Variants in MARCHF1 observed in about 807,000 individuals in gnomAD.
MARCHF1 encodes the protein E3 ubiquitin-protein ligase MARCHF1.
In MARCHF1, 40 loss-of-function variants were observed where a neutral mutation model predicts 54.2. The observed-to-expected ratio is 0.74, with a 90% CI of 0.57 to 0.96. MARCHF1 has a LOEUF of 0.96. MARCHF1 is among the 40% of genes least tolerant of loss of function. The probability of loss-of-function intolerance (pLI) is 0.00; values close to 1 mark genes in which losing one functional copy is unlikely to be tolerated. For synonymous variants in MARCHF1, 236 were observed against 236.3 expected (o/e 1.00, Z 0.01); for missense variants, 586 against 656.5 (o/e 0.89, Z 1.17).
At chr4:163,669,755 T>C (rs944924074) in intron 5 of MARCHF1, among the ~76,000 whole-genome samples, 2 of 152,026 alleles carry the variant, frequency 1.3e-5, no homozygotes, top group African/African-American at 2.4e-5. Context: ...CCTGCCACCA[T>C]ACCTGGCTAA....
At chr4:164,056,464 C>T (rs1308040469) in intron 2 of MARCHF1, among the ~76,000 whole-genome samples, 1 of 152,156 alleles carries the variant, frequency 6.6e-6, no homozygotes, top group Admixed American at 6.5e-5. Flanking sequence ...TCCTTTACTT[C>T]CTGCGCCAAT....
Position 163,924,941 on chromosome 4 carries a change from T to C in MARCHF1, c.-39+63560A>G, listed in dbSNP as rs143414049. ...CCAATTTATCTTTGATCCAGCCCTA[T>C]GCATACAGGAATAAAATAACATCAG... On this transcript the variant is annotated intron_variant, in intron 3 of 9. Transcript: ENST00000514618. Among the ~76,000 whole-genome samples, 755 of 151,956 alleles carry C rather than the reference T, an allele frequency of 5.0e-3. 10 individuals carry two copies. Among genetic ancestry groups the C allele is most frequent in the Non-Finnish European group, 5.2e-3 (351 of 67,808 alleles).
chr4:163,944,466 C>T (rs1002721585), intron 3 of MARCHF1, among the ~76,000 whole-genome samples: 5 of 152,112 alleles, frequency 3.3e-5, no homozygotes, highest in African/African-American at 4.8e-5. Context: ...AGGATAAAGG[C>T]CCAGCTGCTT....
intron 2 of MARCHF1, among the ~76,000 whole-genome samples, chr4:164,040,037 C>A (rs1161249740): frequency 6.9e-6 from 1 of 144,404 alleles, no homozygotes. Flanking sequence ...TTTATATATA[C>A]AAGCATAATT....
chr4:163,586,942 A>C (rs1337412337), intron 7 of MARCHF1, among the ~76,000 whole-genome samples: 2 of 152,338 alleles, frequency 1.3e-5, no homozygotes, highest in East Asian at 3.9e-4. Context: ...GGTTACAACA[A>C]ATGGTCTAAA....
intron 2 of MARCHF1, among the ~76,000 whole-genome samples, chr4:164,053,716 C>T (rs1290635610): frequency 6.6e-6 from 1 of 152,168 alleles, no homozygotes; most frequent in African/African-American, 2.4e-5. Context: ...TTTCATTCAA[C>T]CTCCTTTTCT....
At chr4:163,812,706 A>G (rs1030085189) in intron 4 of MARCHF1, among the ~76,000 whole-genome samples, 8 of 152,128 alleles carry the variant, frequency 5.3e-5, no homozygotes, top group African/African-American at 1.9e-4. Flanking sequence ...TGCAGTAAGC[A>G]GAGACTGTGC....
chr4:164,177,009 T>TATATATATAC lies in MARCHF1; in HGVS notation c.-322-65348_-322-65347insGTATATATAT, dbSNP rs1553989397. On this transcript the variant is annotated intron_variant, in intron 1 of 9. Coordinates refer to ENST00000514618, the MANE Select transcript of MARCHF1 (RefSeq NM_001394959.1). ...ATATATATATATATATATATATATA[T>TATATATATAC]ACAAATGATAGAATTAGGCATGTTT... 9.1e-3 allele frequency among the ~76,000 whole-genome samples: 503 copies of TATATATATAC among 55,416 alleles called. 70 individuals are homozygous for TATATATATAC. The highest frequency in any genetic ancestry group is 0.019 in the South Asian group (27 of 1,444). The allele number at this position is 55,416 out of a possible 152,430, so 36.4% of individuals were successfully genotyped here.
At chr4:164,094,919 T>C (rs1317739383) in intron 2 of MARCHF1, among the ~76,000 whole-genome samples, 1 of 152,116 alleles carries the variant, frequency 6.6e-6, no homozygotes, top group Admixed American at 6.6e-5. Context: ...AGAACACATC[T>C]TTACATTACA....
chr4:163,843,658 A>G (rs1009917464), intron 4 of MARCHF1, among the ~76,000 whole-genome samples: 1 of 152,144 alleles, frequency 6.6e-6, no homozygotes, highest in Middle Eastern at 3.4e-3. Flanking sequence ...TAAGCCCAGC[A>G]TGCTTTAGCT....
At position 163,893,497 on chromosome 4, in the gene MARCHF1, C is replaced by T. The variant is rs148896307; in HGVS notation, c.-38-39328G>A. 3.9e-3 allele frequency among the ~76,000 whole-genome samples: 598 copies of T among 152,250 alleles called. 6 individuals carry two copies. The highest frequency in any genetic ancestry group is 0.013 in the African/African-American group (554 of 41,536). ...TTGCAAAGATAGTTGGGAACAAAGG[C>T]ACTCTGTGTCTCCACTCATAAGATG... On this transcript the variant is annotated intron_variant, in intron 3 of 9. Transcript: ENST00000514618.
chr4:163,598,532 T>C (rs1467666058), intron 7 of MARCHF1, among the ~76,000 whole-genome samples: 2 of 152,208 alleles, frequency 1.3e-5, no homozygotes, highest in African/African-American at 2.4e-5. Context: ...GGTCCCAAGC[T>C]ACAAACCTGT....
chr4:163,925,221 G>A (rs1484654132), intron 3 of MARCHF1, among the ~76,000 whole-genome samples: 1 of 149,556 alleles, frequency 6.7e-6, no homozygotes, highest in South Asian at 2.1e-4. Flanking sequence ...GGAAGGAAAA[G>A]ATTAATAAGA....
At chr4:164,239,908 A>G (rs534636047) in intron 1 of MARCHF1, among the ~76,000 whole-genome samples, 1 of 152,330 alleles carries the variant, frequency 6.6e-6, no homozygotes, top group African/African-American at 2.4e-5. Context: ...TGATTATTTT[A>G]TAGAAAATAT....
chr4:164,117,572 A>G (rs1197702875), intron 1 of MARCHF1, among the ~76,000 whole-genome samples: 1 of 152,050 alleles, frequency 6.6e-6, no homozygotes, highest in African/African-American at 2.4e-5. Flanking sequence ...AAAACATTCA[A>G]TAACATGTAA....
chr4:164,008,227 AGAG>A (rs1314400709), intron 2 of MARCHF1, among the ~76,000 whole-genome samples: 1 of 152,200 alleles, frequency 6.6e-6, no homozygotes, highest in South Asian at 2.1e-4. Flanking sequence ...GTTTATAAAA[AGAG>A]GAGAATAAGT....
chr4:163,807,872 T>A lies in MARCHF1; in HGVS notation c.111+46149A>T, dbSNP rs546087109. On this transcript the variant is annotated intron_variant, in intron 4 of 9. Coordinates refer to ENST00000514618, the MANE Select transcript of MARCHF1 (RefSeq NM_001394959.1). ...ACGTTTCTGTTTTCTCCAAGAAGTGTTAATTACCTTTATTATAAAATTGTT... is the reference window on the plus strand; with the variant it reads ...ACGTTTCTGTTTTCTCCAAGAAGTGATAATTACCTTTATTATAAAATTGTT... Among the ~76,000 whole-genome samples, 41 of 152,212 alleles carry A rather than the reference T, an allele frequency of 2.7e-4. 1 individual carries two copies. In the East Asian group the frequency reaches 7.5e-3, roughly 28 times the overall value.
At chr4:163,982,079 T>C (rs1007203379) in intron 3 of MARCHF1, among the ~76,000 whole-genome samples, 1 of 152,238 alleles carries the variant, frequency 6.6e-6, no homozygotes, top group Non-Finnish European at 1.5e-5. Flanking sequence ...CAAGAAAAAT[T>C]AATGTGAATT....
At chr4:163,860,264 G>T (rs182190522) in intron 3 of MARCHF1, among the ~76,000 whole-genome samples, 176 of 152,250 alleles carry the variant, frequency 1.2e-3, no homozygotes, top group Non-Finnish European at 2.3e-3. Flanking sequence ...GTAGGGATTA[G>T]ATTGAAAGTG....
Sources: gnomAD v4.1 joint callset for allele counts (sites outside exome capture counted in the v4.1 genomes callset) on GRCh38, gnomAD v4.1.1 for gene constraint, MANE v1.5 for transcripts, NCBI Gene and HGNC (gene_info 2026-07-23, HGNC 2026-07-21) for gene names.